EPHA6: variants seen among roughly 807,000 people sequenced by gnomAD.
EPHA6 encodes EPH receptor A6, also known as ephrin type-A receptor 6.
Under a neutral mutation model 112.0 loss-of-function variants are expected in EPHA6, and 50 were observed. That is an observed-to-expected ratio of 0.45 (90% confidence interval 0.36 to 0.56). EPHA6 has a LOEUF of 0.56. Ranked by LOEUF, EPHA6 falls within the 20% of genes least tolerant of loss-of-function variation. The pLI, the probability that EPHA6 is intolerant of heterozygous loss-of-function variation, is 0.00. For missense variants in EPHA6, 1,280 were observed against 1,417.4 expected, an observed-to-expected ratio of 0.90 and a Z score of 1.56; for synonymous variants, 529 against 490.7, an observed-to-expected ratio of 1.08 and a Z score of -1.03.
intron 14 of EPHA6, among the ~76,000 whole-genome samples, chr3:97,640,459 C>T (rs570937301): frequency 1.3e-5 from 2 of 152,144 alleles, no homozygotes; most frequent in East Asian, 3.9e-4. Context: ...CAAACATAGA[C>T]GCATGTCTTA....
chr3:97,691,409 C>T (rs1380802090), intron 14 of EPHA6, among the ~76,000 whole-genome samples: 1 of 152,148 alleles, frequency 6.6e-6, no homozygotes, highest in African/African-American at 2.4e-5. Flanking sequence ...AAGATTGTTT[C>T]AGCTGTTGTG....
At chr3:96,824,748 A>G (rs2107238403) in intron 1 of EPHA6, among the ~76,000 whole-genome samples, 1 of 152,102 alleles carries the variant, frequency 6.6e-6, no homozygotes, top group Non-Finnish European at 1.5e-5. Context: ...CAGAAATGAA[A>G]AGTACTGTTC....
intron 5 of EPHA6, among the ~76,000 whole-genome samples, chr3:97,365,688 A>G (rs995694634): frequency 6.6e-6 from 1 of 152,190 alleles, no homozygotes; most frequent in Admixed American, 6.5e-5. Context: ...GTGCCCAGCC[A>G]GGACATTTTT....
chr3:97,144,907 A>G (rs987724653), intron 3 of EPHA6, among the ~76,000 whole-genome samples: 3 of 150,906 alleles, frequency 2.0e-5, no homozygotes, highest in Non-Finnish European at 3.0e-5. Flanking sequence ...TTGTCCTGAG[A>G]CTTCCTTTTG....
At chr3:97,608,243 A>G (rs1016257322) in intron 12 of EPHA6, among the ~76,000 whole-genome samples, 1 of 151,316 alleles carries the variant, frequency 6.6e-6, no homozygotes, top group Non-Finnish European at 1.5e-5. Flanking sequence ...TAATGAGAAG[A>G]TAGAACTTGT....
intron 5 of EPHA6, among the ~76,000 whole-genome samples, chr3:97,245,167 C>T (rs2078952604): frequency 1.3e-5 from 2 of 152,008 alleles, no homozygotes; most frequent in African/African-American, 4.8e-5. Context: ...ATAAGACAGG[C>T]TGTGTGGCTT....
At chr3:97,542,308 T>G (rs2092870997) in intron 11 of EPHA6, among the ~76,000 whole-genome samples, 1 of 152,128 alleles carries the variant, frequency 6.6e-6, no homozygotes, top group Admixed American at 6.5e-5. Flanking sequence ...TGTGTTCTCA[T>G]TGTTCAATTC....
intron 1 of EPHA6, among the ~76,000 whole-genome samples, chr3:96,822,907 C>G (rs1576055683): frequency 1.3e-5 from 2 of 151,268 alleles, no homozygotes; most frequent in East Asian, 3.9e-4. Context: ...AGATCCATAA[C>G]TTTTTAAAAA....
At chr3:97,646,592 G>A (rs2094066043) in intron 14 of EPHA6, among the ~76,000 whole-genome samples, 1 of 152,002 alleles carries the variant, frequency 6.6e-6, no homozygotes, top group Non-Finnish European at 1.5e-5. Context: ...CTAATTATCA[G>A]TCCCAAAAAA....
intron 3 of EPHA6, among the ~76,000 whole-genome samples, chr3:97,157,518 G>A (rs2076315671): frequency 6.6e-6 from 1 of 152,048 alleles, no homozygotes; most frequent in Admixed American, 6.6e-5. Context: ...TCGAGAGAGA[G>A]AGACAGAGAC....
At chr3:97,443,294 A>T (rs900208083) in intron 6 of EPHA6, among the ~76,000 whole-genome samples, 2 of 148,258 alleles carry the variant, frequency 1.3e-5, no homozygotes, top group Admixed American at 1.4e-4. Flanking sequence ...TTCTCAAACA[A>T]CCTGTAGCTT....
intron 5 of EPHA6, among the ~76,000 whole-genome samples, chr3:97,317,595 T>G (rs982610710): frequency 6.6e-6 from 1 of 151,976 alleles, no homozygotes; most frequent in African/African-American, 2.4e-5. Context: ...ACTTGTAACT[T>G]TGGGCTATTT....
intron 2 of EPHA6, among the ~76,000 whole-genome samples, chr3:96,954,545 G>T (rs577642734): frequency 3.9e-5 from 6 of 151,976 alleles, no homozygotes; most frequent in African/African-American, 1.5e-4. Context: ...CCTCAGTCAG[G>T]TTTCAAATAT....
At chr3:97,588,909 G>A (rs1431721152) in intron 11 of EPHA6, among the ~76,000 whole-genome samples, 2 of 152,090 alleles carry the variant, frequency 1.3e-5, no homozygotes, top group African/African-American at 4.8e-5. Flanking sequence ...TTAGATTAAG[G>A]AATACATGTG....
intron 10 of EPHA6, among the ~76,000 whole-genome samples, chr3:97,512,499 A>G (rs2092383171): frequency 6.6e-6 from 1 of 152,164 alleles, no homozygotes; most frequent in African/African-American, 2.4e-5. Context: ...TGAACAGTAC[A>G]TCTGACAGTC....
intron 3 of EPHA6, among the ~76,000 whole-genome samples, chr3:97,222,220 G>A (rs976933595): frequency 2.0e-5 from 3 of 152,052 alleles, no homozygotes; most frequent in Non-Finnish European, 4.4e-5. Context: ...GTTATATGCT[G>A]TATACTATTA....
intron 3 of EPHA6, among the ~76,000 whole-genome samples, chr3:97,198,586 G>T (rs2077500134): frequency 6.6e-6 from 1 of 152,078 alleles, no homozygotes; most frequent in African/African-American, 2.4e-5. Context: ...TACAATTAGT[G>T]AGCTCCTCGC....
At chr3:97,281,226 T>TGC (rs2080276981) in intron 5 of EPHA6, among the ~76,000 whole-genome samples, 1 of 142,118 alleles carries the variant, frequency 7.0e-6, no homozygotes, top group African/African-American at 3.0e-5. Context: ...TGTGTGTGTG[T>TGC]GTGCGCGCGT....
intron 12 of EPHA6, among the ~76,000 whole-genome samples, chr3:97,605,733 T>A (rs1248541944): frequency 1.3e-5 from 2 of 151,698 alleles, no homozygotes; most frequent in African/African-American, 4.8e-5. Flanking sequence ...CTATCTGGGT[T>A]CTTTATGGTT....
Sources: allele counts gnomAD v4.1 joint callset (sites outside exome capture counted in the v4.1 genomes callset), GRCh38; gene constraint gnomAD v4.1.1; transcripts MANE v1.5; gene names NCBI Gene and HGNC (gene_info 2026-07-23, HGNC 2026-07-21).